Variants in TBX19 observed in about 807,000 individuals in gnomAD.
TBX19 encodes T-box transcription factor TBX19.
Under a neutral mutation model 40.9 loss-of-function variants are expected in TBX19, and 33 were observed. The ratio of observed to expected loss-of-function variants is 0.81; its 90% confidence interval spans 0.61 to 1.08. The LOEUF is 1.08. TBX19 is among the 50% of genes least tolerant of loss of function. The pLI is 0.00. For synonymous variants in TBX19, 220 were observed against 225.0 expected (o/e 0.98, Z 0.20); for missense variants, 494 against 574.0 (o/e 0.86, Z 1.42).
At chr1:168,309,054 G>A (rs1315243300) in intron 7 of TBX19, among the ~76,000 whole-genome samples, 177 bp downstream of exon 7, 4 of 152,182 alleles carry the variant, frequency 2.6e-5, no homozygotes, top group Non-Finnish European at 5.9e-5. Context: ...GGGAGAAACA[G>A]CTCAGTCATA....
chr1:168,287,023 A>T (rs1648821994), intron 1 of TBX19, among the ~76,000 whole-genome samples: 1 of 152,248 alleles, frequency 6.6e-6, no homozygotes, highest in South Asian at 2.1e-4. Flanking sequence ...TCTTTGAAAC[A>T]TCAGGTACAG....
intron 5 of TBX19, among the ~76,000 whole-genome samples, chr1:168,301,349 G>C (rs887423259): frequency 1.3e-5 from 2 of 151,784 alleles, no homozygotes; most frequent in Admixed American, 1.3e-4. Context: ...TGCAACCTCC[G>C]CCTCCCGGGT....
At chr1:168,293,420 T>A in intron 3 of TBX19, 142 bp downstream of exon 3, 1 of 1,142,540 alleles carries the variant, frequency 8.8e-7, no homozygotes, top group Admixed American at 2.1e-5. Context: ...TCAGCAGACA[T>A]GAAGTTAAAC....
intron 1 of TBX19, among the ~76,000 whole-genome samples, chr1:168,289,246 C>A (rs1202401133): frequency 6.6e-6 from 1 of 152,118 alleles, no homozygotes; most frequent in Non-Finnish European, 1.5e-5. Flanking sequence ...TCTCAGGATC[C>A]TTCTGTTTTC....
intron 6 of TBX19, among the ~76,000 whole-genome samples, chr1:168,307,832 A>G (rs1238988284): frequency 6.6e-6 from 1 of 152,216 alleles, no homozygotes; most frequent in East Asian, 1.9e-4. Context: ...GCAAATTAAC[A>G]TGTCCATCTC....
intron 6 of TBX19, 128 bp downstream of exon 6, chr1:168,305,324 T>C: frequency 1.2e-6 from 1 of 811,774 alleles, no homozygotes; most frequent in Non-Finnish European, 2.0e-6. Flanking sequence ...ACATCTATGA[T>C]ATGATTGTTT....
At chr1:168,286,311 C>T (rs943414939) in intron 1 of TBX19, among the ~76,000 whole-genome samples, 1 of 152,176 alleles carries the variant, frequency 6.6e-6, no homozygotes, top group Non-Finnish European at 1.5e-5. Context: ...CTCAGTAATT[C>T]GCAGAGTTGT....
At chr1:168,309,572 T>TA (rs1649477987) in intron 7 of TBX19, among the ~76,000 whole-genome samples, 3 of 152,104 alleles carry the variant, frequency 2.0e-5, no homozygotes, top group African/African-American at 7.2e-5. Flanking sequence ...TCACCCATCC[T>TA]AAAAGGGGGA....
Position 168,312,993 on chromosome 1 carries a change from G to T in TBX19, c.1338G>T (p.Leu446=). ...GTGGGCACCATTCTCCTTCCTCACTGGATGGTTAAGCAGGATCCTAGGAGC... is the reference window on the plus strand; with the variant it reads ...GTGGGCACCATTCTCCTTCCTCACTTGATGGTTAAGCAGGATCCTAGGAGC... ...GAGGHHSPSS[L]DG Residue 446 remains leucine, a synonymous_variant, in exon 8 of 8, where the codon CTG becomes CTT. Coordinates refer to ENST00000367821, the MANE Select transcript of TBX19 (RefSeq NM_005149.3). The T allele has an allele frequency of 6.2e-7, 1 of 1,614,170 alleles. No individual in the cohort carries two copies. The highest frequency in any genetic ancestry group is 1.6e-4 in the Middle Eastern group (1 of 6,062).
intron 7 of TBX19, among the ~76,000 whole-genome samples, chr1:168,312,393 A>G (rs955317036): frequency 1.3e-5 from 2 of 152,154 alleles, no homozygotes; most frequent in African/African-American, 4.8e-5. Flanking sequence ...CTTTTTTTCT[A>G]CTGCCCTGCC....
At chr1:168,304,706 A>T (rs963621779) in intron 5 of TBX19, among the ~76,000 whole-genome samples, 3 of 152,250 alleles carry the variant, frequency 2.0e-5, no homozygotes, top group Non-Finnish European at 4.4e-5. Flanking sequence ...CTTGAAGGCT[A>T]AAGGCAAGAG....
intron 4 of TBX19, among the ~76,000 whole-genome samples, chr1:168,298,128 G>A (rs184921390): frequency 1.3e-5 from 2 of 152,260 alleles, no homozygotes; most frequent in South Asian, 2.1e-4. Context: ...CCCGGGAGGC[G>A]GAGCTTGCAG....
Position 168,297,738 on chromosome 1 carries a change from A to C in TBX19, c.618A>C (p.Lys206Asn). Residue 206 changes from lysine (K) to asparagine (N), a missense_variant, in exon 4 of 8, where the codon AAA (lysine) becomes AAC (asparagine). Lys to Asn is a moderately conservative substitution (Grantham distance 94). Transcript: ENST00000367821. ...AYQNEEITAL[K>N]IKYNPFAKAF... ...GTAAATGCAAGATAACGGCTCTCAA[A>C]ATCAAGTACAATCCTTTTGCCAAAG... is the stretch of plus-strand genomic sequence containing the variant. 6.2e-7 allele frequency: 1 copy of C among 1,614,208 alleles called. No homozygotes were observed. Among genetic ancestry groups the C allele is most frequent in the Non-Finnish European group, 8.5e-7 (1 of 1,180,022 alleles).
At chr1:168,308,000 A>T (rs1234210925) in intron 6 of TBX19, 1 of 152,252 alleles carries the variant, frequency 6.6e-6, no homozygotes, top group Non-Finnish European at 1.5e-5. Context: ...ATATCCTTTG[A>T]CCAATATCTC....
chr1:168,297,606 C>G, intron 3 of TBX19, 118 bp from the exon 4 acceptor site: 1 of 903,354 alleles, frequency 1.1e-6, no homozygotes, highest in Non-Finnish European at 1.8e-6. Flanking sequence ...GCCATCGTGC[C>G]TGGTGGGAAA....
chr1:168,300,790 C>T (rs1045051750), intron 5 of TBX19, among the ~76,000 whole-genome samples: 1 of 152,190 alleles, frequency 6.6e-6, no homozygotes, highest in African/African-American at 2.4e-5. Flanking sequence ...TCTCGGCTTG[C>T]CTCCTAACGT....
rs1558190370 is a variant in TBX19, at chr1:168,291,262, G to A, written c.306G>A (p.Lys102=). Residue 102 remains lysine, a synonymous_variant, in exon 2 of 8, where the codon AAG becomes AAA. Transcript: ENST00000367821. ...TCCCTACGGACAGTCACCGCTGGAAGTACGTCAACGGGGAATGGGTGCCCG... is the reference window on the plus strand; with the variant it reads ...TCCCTACGGACAGTCACCGCTGGAAATACGTCAACGGGGAATGGGTGCCCG... ...DFVPTDSHRW[K]YVNGEWVPAG... 1 of 1,614,268 alleles carries A rather than the reference G, an allele frequency of 6.2e-7. No homozygotes were observed. The highest frequency in any genetic ancestry group is 8.5e-7 in the Non-Finnish European group (1 of 1,180,054).
intron 3 of TBX19, among the ~76,000 whole-genome samples, chr1:168,294,859 CTTGCGTGG>C (rs1649060980): frequency 6.6e-6 from 1 of 152,110 alleles, no homozygotes; most frequent in South Asian, 2.1e-4. Context: ...CTGTCATTTG[CTTGCGTGG>C]GTGAACACCT....
intron 1 of TBX19, among the ~76,000 whole-genome samples, chr1:168,288,125 C>A (rs1038736102): frequency 6.6e-6 from 1 of 152,162 alleles, no homozygotes; most frequent in Non-Finnish European, 1.5e-5. Context: ...CTGCAAATAT[C>A]AAAATCTGAG....
Sources: allele counts gnomAD v4.1 joint callset (sites outside exome capture counted in the v4.1 genomes callset), GRCh38; gene constraint gnomAD v4.1.1; transcripts MANE v1.5; gene names NCBI Gene and HGNC (gene_info 2026-07-23, HGNC 2026-07-21).